The following PSME4 variants were observed in gnomAD, a reference collection of about 807,000 sequenced individuals.
PSME4 encodes the protein proteasome activator subunit 4, also known as proteasome activator complex subunit 4.
In PSME4, 89 loss-of-function variants were observed where a neutral mutation model predicts 253.9. The observed-to-expected ratio is 0.35, with a 90% CI of 0.30 to 0.42. PSME4 has a LOEUF of 0.42. PSME4 is among the 10% of genes least tolerant of loss of function. The pLI is 1.00. For missense variants in PSME4, 2,014 were observed against 2,195.2 expected (o/e 0.92, Z 1.65); for synonymous variants, 851 against 759.2 (o/e 1.12, Z -1.99).
Position 53,966,389 on chromosome 2 carries a change from C to T in PSME4, c.242+4154G>A, listed in dbSNP as rs1670736833. On this transcript the variant is annotated intron_variant, in intron 1 of 46. Coordinates refer to ENST00000404125, the MANE Select transcript of PSME4 (RefSeq NM_014614.3). ...CAGGATAATAATGTTAGGCAGGCCA[C>T]GGTGGCTCACGCCCATAATCCGAAC... 2.0e-5 allele frequency among the ~76,000 whole-genome samples: 3 copies of T among 152,098 alleles called. No individual in the cohort carries two copies. The South Asian group carries it at 6.2e-4, about 31-fold the overall frequency.
intron 7 of PSME4, among the ~76,000 whole-genome samples, chr2:53,935,597 G>A (rs1329567194): frequency 6.6e-6 from 1 of 152,108 alleles, no homozygotes; most frequent in Non-Finnish European, 1.5e-5. Context: ...ACCAAATACG[G>A]TACACAAAAT....
chr2:53,914,608 C>A (rs973569485), intron 20 of PSME4, among the ~76,000 whole-genome samples: 4 of 152,164 alleles, frequency 2.6e-5, no homozygotes, highest in Admixed American at 1.3e-4. Context: ...AGTGGCCAGG[C>A]GCAGTGGCTC....
At chr2:53,900,346 G>A (rs775177104) in intron 28 of PSME4, among the ~76,000 whole-genome samples, 2 of 151,662 alleles carry the variant, frequency 1.3e-5, no homozygotes, top group African/African-American at 2.4e-5. Flanking sequence ...ACTGCTTGAG[G>A]CCATGAGTTT....
At position 53,913,274 on chromosome 2, in the gene PSME4, TCAA is replaced by T. The variant is rs144556734; in HGVS notation, c.2517-3147_2517-3145del. ...CCACTAAAAAAGGACCTATGAATTT[TCAA>T]CAACTATAGTATTCGTACCACTAGA... On this transcript the variant is annotated intron_variant, in intron 20 of 46. Transcript: ENST00000404125. Among the ~76,000 whole-genome samples, 580 of 152,308 alleles carry T rather than the reference TCAA, an allele frequency of 3.8e-3. 6 individuals are homozygous for T. The highest frequency in any genetic ancestry group is 0.014 in the African/African-American group (565 of 41,572).
intron 29 of PSME4, among the ~76,000 whole-genome samples, chr2:53,899,597 C>G (rs1193940903): frequency 6.6e-6 from 1 of 151,648 alleles, no homozygotes; most frequent in Non-Finnish European, 1.5e-5. Context: ...GTGGGCAGAT[C>G]ACTTGAGGCC....
At chr2:53,876,883 A>AT (rs575785562) in intron 41 of PSME4, among the ~76,000 whole-genome samples, 47 of 145,752 alleles carry the variant, frequency 3.2e-4, no homozygotes, top group East Asian at 2.8e-3. Context: ...GTGTCCAGCT[A>AT]TTTTTTTTTT....
chr2:53,895,997 A>G (rs1186425501), intron 32 of PSME4, among the ~76,000 whole-genome samples: 1 of 152,118 alleles, frequency 6.6e-6, no homozygotes, highest in African/African-American at 2.4e-5. Flanking sequence ...ACCAAAATTA[A>G]AAGGATTAAT....
At chr2:53,888,896 T>C (rs1164215460) in intron 37 of PSME4, 84 bp from the exon 38 acceptor site, 3 of 1,150,664 alleles carry the variant, frequency 2.6e-6, no homozygotes, top group South Asian at 1.4e-5. Flanking sequence ...AATTTAATTT[T>C]ATTTTTGAGG....
intron 10 of PSME4, 90 bp from the exon 11 acceptor site, chr2:53,928,393 C>T: frequency 9.2e-7 from 1 of 1,087,630 alleles, no homozygotes; most frequent in South Asian, 2.0e-5. Context: ...ATAAACTGCA[C>T]TTTGACTTAA....
At chr2:53,949,021 C>CA in intron 2 of PSME4, 122 bp downstream of exon 2, 1 of 1,278,312 alleles carries the variant, frequency 7.8e-7, no homozygotes. Flanking sequence ...ATGTTTTTTG[C>CA]AATCATTTTC....
chr2:53,872,015 CA>C (rs1212598720), intron 43 of PSME4, among the ~76,000 whole-genome samples: 4 of 151,440 alleles, frequency 2.6e-5, no homozygotes, highest in African/African-American at 4.9e-5. Context: ...ACTCCCTCTC[CA>C]AAAAAAGGGG....
intron 1 of PSME4, among the ~76,000 whole-genome samples, chr2:53,954,145 C>G (rs928819839): frequency 2.0e-5 from 3 of 151,724 alleles, no homozygotes; most frequent in Admixed American, 2.0e-4. Context: ...CTGACCAACA[C>G]AGTGAAACCC....
At chr2:53,866,244 A>G in intron 45 of PSME4, 21 bp from the exon 46 acceptor site, 3 of 1,612,830 alleles carry the variant, frequency 1.9e-6, no homozygotes, top group Non-Finnish European at 2.5e-6. Context: ...GACAACCCAC[A>G]TACGTTTTAA....
intron 41 of PSME4, among the ~76,000 whole-genome samples, chr2:53,876,713 A>ATTTTTT (rs1224675454): frequency 2.6e-5 from 2 of 77,198 alleles, no homozygotes; most frequent in South Asian, 6.1e-4. Context: ...AGCCACTGTC[A>ATTTTTT]TTCTTTTTTT....
chr2:53,893,238 ATT>A (rs56187845), intron 35 of PSME4, among the ~76,000 whole-genome samples: 2 of 151,718 alleles, frequency 1.3e-5, no homozygotes, highest in East Asian at 1.9e-4. Flanking sequence ...AGTTTTGGGT[ATT>A]TTTTTTCCTT....
At chr2:53,888,153 AT>A (rs1265089658) in intron 38 of PSME4, 164 bp from the exon 39 acceptor site, 1 of 570,834 alleles carries the variant, frequency 1.8e-6, no homozygotes, top group Non-Finnish European at 2.7e-6. Context: ...TGAAGATTTT[AT>A]TTTTCCTATA....
chr2:53,913,191 A>T (rs573540971), intron 20 of PSME4, among the ~76,000 whole-genome samples: 1 of 152,330 alleles, frequency 6.6e-6, no homozygotes, highest in South Asian at 2.1e-4. Flanking sequence ...TCTGCTTCAT[A>T]GCTTCTAGAT....
intron 6 of PSME4, 66 bp from the exon 7 acceptor site, chr2:53,936,227 C>A (rs1669108856): frequency 3.1e-6 from 5 of 1,591,106 alleles, no homozygotes; most frequent in Non-Finnish European, 4.3e-6. Context: ...CATAGTCACA[C>A]CCCTCCTCCA....
chr2:53,963,950 G>C (rs928726981), intron 1 of PSME4, among the ~76,000 whole-genome samples: 5 of 152,096 alleles, frequency 3.3e-5, no homozygotes, highest in Non-Finnish European at 4.4e-5. Flanking sequence ...CTGGCCATGA[G>C]TTAATTAAGT....
Sources: allele counts gnomAD v4.1 joint callset (sites outside exome capture counted in the v4.1 genomes callset), GRCh38; gene constraint gnomAD v4.1.1; transcripts MANE v1.5; gene names NCBI Gene and HGNC (gene_info 2026-07-23, HGNC 2026-07-21).